The following SNTB1 variants were observed in gnomAD, a reference collection of about 807,000 sequenced individuals.
The protein encoded by SNTB1 is syntrophin beta 1, also known as beta-1-syntrophin.
In SNTB1, 36 loss-of-function variants were observed where a neutral mutation model predicts 48.9. The ratio of observed to expected loss-of-function variants is 0.74; its 90% CI spans 0.56 to 0.97. The LOEUF is 0.97. Ranked by LOEUF, SNTB1 falls within the 50% of genes least tolerant of loss-of-function variation. SNTB1 has a pLI of 0.00. For missense variants in SNTB1, 786 were observed against 703.4 expected, an observed-to-expected ratio of 1.12 and a Z score of -1.33; for synonymous variants, 299 against 294.6, an observed-to-expected ratio of 1.01 and a Z score of -0.15.
chr8:120,631,410 C>T (rs10113150), intron 3 of SNTB1, among the ~76,000 whole-genome samples: 3,047 of 152,246 alleles, frequency 0.02, 97 homozygotes, highest in African/African-American at 0.07. Flanking sequence ...CTAAGACCCG[C>T]GCATGATCTG....
intron 2 of SNTB1, among the ~76,000 whole-genome samples, chr8:120,692,739 A>G (rs1302892100): frequency 6.6e-6 from 1 of 151,836 alleles, no homozygotes; most frequent in African/African-American, 2.4e-5. Flanking sequence ...CCTTAAAGCA[A>G]CTCTCATCTA....
chr8:120,541,815 C>G lies in SNTB1; in HGVS notation c.1519G>C (p.Glu507Gln). ...LYLDFGGKDG[E>Q]IQLDLHSCPK... ...CTAAAGAAAAGTACACTTACAATCT[C>G]TCCATCTTTGCCTCCAAAATCTAAA... Residue 507 changes from glutamate (E) to glutamine (Q), a missense_variant, in exon 6 of 7, where the codon GAG becomes CAG. Glu to Gln is a conservative substitution (Grantham distance 29). Transcript: ENST00000517992. 2 of 1,610,542 alleles carry G rather than the reference C, an allele frequency of 1.2e-6. No individual in the cohort carries two copies. Among genetic ancestry groups the G allele is most frequent in the Admixed American group, 1.7e-5 (1 of 59,580 alleles).
chr8:120,742,579 G>A (rs1819057908), intron 1 of SNTB1, among the ~76,000 whole-genome samples: 1 of 152,180 alleles, frequency 6.6e-6, no homozygotes. Context: ...TACAGCATAA[G>A]TTCTCCACCT....
intron 2 of SNTB1, among the ~76,000 whole-genome samples, chr8:120,654,071 A>AAAAAAAG (rs1817457552): frequency 6.9e-6 from 1 of 144,014 alleles, no homozygotes; most frequent in Non-Finnish European, 1.5e-5. Flanking sequence ...AAAAAAAAAA[A>AAAAAAAG]GTTGTCTTCT....
Position 120,702,566 on chromosome 8 carries a change from T to G in SNTB1, c.572-8658A>C, listed in dbSNP as rs574306395. ...CCTGACACCTCAGGCATGCCTCCCT[T>G]AAACACCAGCTGTGCTTTGTAGCAG... On this transcript the variant is annotated intron_variant, in intron 1 of 6. Transcript: ENST00000517992. 4.0e-5 allele frequency among the ~76,000 whole-genome samples: 6 copies of G among 151,788 alleles called. No individual in the cohort carries two copies. In the South Asian group the frequency reaches 1.2e-3, roughly 32 times the overall value.
At chr8:120,594,990 C>A (rs549291361) in intron 3 of SNTB1, among the ~76,000 whole-genome samples, 6 of 151,872 alleles carry the variant, frequency 4.0e-5, no homozygotes, top group African/African-American at 9.7e-5. Flanking sequence ...TATTTTACCA[C>A]GCATTCACAA....
At chr8:120,647,037 C>T (rs1428840373) in intron 2 of SNTB1, among the ~76,000 whole-genome samples, 1 of 148,780 alleles carries the variant, frequency 6.7e-6, no homozygotes, top group Non-Finnish European at 1.5e-5. Context: ...TTTATTGCGT[C>T]TATTTGATTC....
Position 120,548,823 on chromosome 8 carries a change from C to G in SNTB1, c.1272G>C (p.Trp424Cys). 6.2e-7 allele frequency: 1 copy of G among 1,614,112 alleles called. No individual in the cohort carries two copies. The highest frequency in any genetic ancestry group is 1.1e-5 in the South Asian group (1 of 91,074). ...RAETSRDLSH[W>C]TRSIVQGCHN... ...GGCAACCCTGTACTATGCTCCTTGT[C>G]CAGTGGGAGAGGTCCCTGCTGGTCT... Residue 424 changes from tryptophan to cysteine, a missense_variant, in exon 5 of 7, where the codon TGG (tryptophan) becomes TGC (cysteine). Trp to Cys is a radical substitution (Grantham distance 215). Coordinates refer to ENST00000517992, the MANE Select transcript of SNTB1 (RefSeq NM_021021.4).
intron 2 of SNTB1, among the ~76,000 whole-genome samples, chr8:120,660,247 C>T (rs1817568466): frequency 1.3e-5 from 2 of 152,240 alleles, no homozygotes; most frequent in Non-Finnish European, 2.9e-5. Flanking sequence ...TAGATGGTGT[C>T]TTCTTCCAAT....
chr8:120,582,114 A>G (rs1435521455), intron 3 of SNTB1, among the ~76,000 whole-genome samples: 1 of 152,244 alleles, frequency 6.6e-6, no homozygotes, highest in African/African-American at 2.4e-5. Flanking sequence ...CATAGAATTA[A>G]CAAGATAGAC....
intron 1 of SNTB1, among the ~76,000 whole-genome samples, chr8:120,695,515 C>T (rs1194702045): frequency 6.6e-6 from 1 of 152,212 alleles, no homozygotes; most frequent in Non-Finnish European, 1.5e-5. Flanking sequence ...GACAGATGCT[C>T]TGCTTCTCAG....
intron 2 of SNTB1, among the ~76,000 whole-genome samples, chr8:120,665,938 G>T: frequency 6.6e-6 from 1 of 151,962 alleles, no homozygotes; most frequent in East Asian, 1.9e-4. Context: ...CTATCTTATT[G>T]TCAATACCCC....
intron 4 of SNTB1, among the ~76,000 whole-genome samples, chr8:120,555,254 C>T (rs936914847): frequency 6.6e-6 from 1 of 152,272 alleles, no homozygotes; most frequent in African/African-American, 2.4e-5. Context: ...GAAAGGGAAA[C>T]AGCTTCTTCT....
chr8:120,598,890 C>T (rs1366856030), intron 3 of SNTB1, among the ~76,000 whole-genome samples: 1 of 152,120 alleles, frequency 6.6e-6, no homozygotes, highest in African/African-American at 2.4e-5. Flanking sequence ...CACGGCTCCT[C>T]CTCTGTGTGA....
chr8:120,590,621 C>T (rs1227512568), intron 3 of SNTB1, among the ~76,000 whole-genome samples: 4 of 152,030 alleles, frequency 2.6e-5, no homozygotes, highest in African/African-American at 9.7e-5. Flanking sequence ...TATCCTTACA[C>T]AAGTCTCATC....
intron 3 of SNTB1, among the ~76,000 whole-genome samples, chr8:120,631,189 C>T (rs4871081): frequency 0.68 from 103,959 of 151,972 alleles, 35,834 homozygotes; most frequent in East Asian, 0.76. Context: ...GTGATAGAGA[C>T]GTGACTTTCA....
At chr8:120,761,706 A>T (rs1819423159) in intron 1 of SNTB1, among the ~76,000 whole-genome samples, 2 of 152,254 alleles carry the variant, frequency 1.3e-5, no homozygotes, top group Non-Finnish European at 1.5e-5. Flanking sequence ...TGGGGTGATC[A>T]TCAGGTAGAT....
chr8:120,707,775 T>C (rs1818401146), intron 1 of SNTB1, among the ~76,000 whole-genome samples: 1 of 152,166 alleles, frequency 6.6e-6, no homozygotes, highest in South Asian at 2.1e-4. Context: ...AAAATCCCTT[T>C]CACCATAATC....
At chr8:120,553,700 T>G (rs1175962317) in intron 4 of SNTB1, among the ~76,000 whole-genome samples, 1 of 152,214 alleles carries the variant, frequency 6.6e-6, no homozygotes, top group Admixed American at 6.5e-5. Context: ...AAAAAATTCT[T>G]AAAATTTTCT....
Sources: gnomAD v4.1 joint callset for allele counts (sites outside exome capture counted in the v4.1 genomes callset) on GRCh38, gnomAD v4.1.1 for gene constraint, MANE v1.5 for transcripts, NCBI Gene and HGNC (gene_info 2026-07-23, HGNC 2026-07-21) for gene names.